Variants in GTF2E1 observed in about 807,000 individuals in gnomAD.
The protein encoded by GTF2E1 is TFIIE alpha subunit.
In GTF2E1, 14 loss-of-function variants were observed where a neutral mutation model predicts 34.9. That is an observed-to-expected ratio of 0.40 (90% confidence interval 0.27 to 0.63). The LOEUF (loss-of-function observed/expected upper bound fraction) is 0.63. GTF2E1 is among the 20% of genes least tolerant of loss of function. The pLI, the probability that GTF2E1 is intolerant of heterozygous loss-of-function variation, is 0.39. For synonymous variants in GTF2E1, 188 were observed against 192.9 expected (o/e 0.97, Z 0.21); for missense variants, 469 against 557.7 (o/e 0.84, Z 1.60).
intron 1 of GTF2E1, chr3:120,749,653 G>T (rs1709145251): frequency 6.6e-6 from 1 of 152,128 alleles, no homozygotes; most frequent in Admixed American, 6.6e-5. Context: ...GCTGGATTCG[G>T]TTTGCCAGTA....
At chr3:120,761,039 T>C (rs1198129755) in intron 2 of GTF2E1, among the ~76,000 whole-genome samples, 1 of 151,566 alleles carries the variant, frequency 6.6e-6, no homozygotes. Flanking sequence ...AATTCAGCTG[T>C]GTCTGGTCCT....
intron 2 of GTF2E1, 21 bp downstream of exon 2, chr3:120,751,021 G>C (rs1709160457): frequency 1.3e-6 from 2 of 1,502,176 alleles, no homozygotes; most frequent in South Asian, 1.2e-5. Flanking sequence ...TCCAGTTTGT[G>C]AATCTTTAAA....
At chr3:120,778,986 TAGCATC>T (rs1338181890) in intron 4 of GTF2E1, among the ~76,000 whole-genome samples, 2 of 152,212 alleles carry the variant, frequency 1.3e-5, no homozygotes, top group African/African-American at 4.8e-5. Flanking sequence ...CACAATTGCT[TAGCATC>T]AATTCCGTGA....
chr3:120,760,202 T>A (rs530913082), intron 2 of GTF2E1, among the ~76,000 whole-genome samples: 3 of 152,324 alleles, frequency 2.0e-5, no homozygotes, highest in African/African-American at 7.2e-5. Flanking sequence ...CAATTGTGAA[T>A]GGGAGTTCAC....
In GTF2E1 at chr3:120,751,871, AGTTCATAGAT is replaced by A; in HGVS notation, c.448+872_448+881del. Among the ~76,000 whole-genome samples the A allele has an allele frequency of 1.3e-5, 2 of 152,272 alleles. 1 individual carries two copies. Among genetic ancestry groups the A allele is most frequent in the South Asian group, 4.1e-4 (2 of 4,832 alleles). ...AATTCAGGAGTATAGGCTACTTTTTAGTTCATAGATCTGCTTTTTTAAAAACTTCGTCTGA... is the reference window on the plus strand; with the variant it reads ...AATTCAGGAGTATAGGCTACTTTTTACTGCTTTTTTAAAAACTTCGTCTGA... On this transcript the variant is annotated intron_variant, in intron 2 of 4. Transcript: ENST00000283875.
intron 1 of GTF2E1, among the ~76,000 whole-genome samples, chr3:120,748,192 C>T (rs1030544135): frequency 2.0e-5 from 3 of 152,092 alleles, no homozygotes; most frequent in Non-Finnish European, 1.5e-5. Flanking sequence ...TTCTCCCATT[C>T]TGTAGGTTGC....
chr3:120,781,703 G>A lies in GTF2E1; in HGVS notation c.*233G>A. The A allele has an allele frequency of 5.2e-6, 2 of 382,160 alleles. No homozygotes were observed. Among genetic ancestry groups the A allele is most frequent in the Non-Finnish European group, 9.3e-6 (2 of 215,528 alleles). 23.7% of individuals were successfully genotyped at this position (382,160 alleles called of 1,614,324 possible). A position where few individuals can be genotyped will look rare whatever the true frequency, so the allele number is the denominator to read the frequency against. On this transcript the variant is annotated 3_prime_UTR_variant, in exon 5 of 5. Transcript: ENST00000283875. ...GTCACTACAGTATTAATATTTTACTGTATTTTCTTTTCTTTTTTTTTTTTT... is the reference window on the plus strand; with the variant it reads ...GTCACTACAGTATTAATATTTTACTATATTTTCTTTTCTTTTTTTTTTTTT...
intron 2 of GTF2E1, among the ~76,000 whole-genome samples, chr3:120,756,505 A>G (rs1227629475): frequency 2.6e-5 from 4 of 152,132 alleles, no homozygotes; most frequent in Admixed American, 6.6e-5. Flanking sequence ...TAAAATATAT[A>G]TAAAAATGAG....
In GTF2E1 at chr3:120,748,510, C is replaced by T. The variant is rs1304592769; in HGVS notation, c.-30-2013C>T. On this transcript the variant is annotated intron_variant, in intron 1 of 4. Transcript: ENST00000283875. ...CAGCACCATTTATTAAATAGGGAAT[C>T]CTTTCCCCATTGCTTGTTTTTCTCA... 4.6e-5 allele frequency among the ~76,000 whole-genome samples: 7 copies of T among 152,162 alleles called. No homozygotes were observed. The East Asian group carries it at 1.3e-3, about 29-fold the overall frequency.
chr3:120,757,900 C>T (rs1709222530), intron 2 of GTF2E1, among the ~76,000 whole-genome samples: 1 of 152,188 alleles, frequency 6.6e-6, no homozygotes, highest in Non-Finnish European at 1.5e-5. Flanking sequence ...GATAGCTCAA[C>T]ACATGTAATC....
intron 1 of GTF2E1, among the ~76,000 whole-genome samples, chr3:120,746,711 A>T (rs887778827): frequency 6.6e-6 from 1 of 152,122 alleles, no homozygotes; most frequent in Admixed American, 6.5e-5. Context: ...AGGTGGGAAG[A>T]TTGCTTGAGC....
intron 2 of GTF2E1, among the ~76,000 whole-genome samples, chr3:120,767,934 GTT>G (rs1412724132): frequency 7.0e-6 from 1 of 143,598 alleles, no homozygotes; most frequent in East Asian, 2.3e-4. Context: ...TATTAGTGTT[GTT>G]CTCTTTCTCT....
intron 2 of GTF2E1, among the ~76,000 whole-genome samples, chr3:120,754,198 G>T (rs1296160634): frequency 6.6e-6 from 1 of 152,094 alleles, no homozygotes; most frequent in Non-Finnish European, 1.5e-5. Flanking sequence ...GGGCAGAGGG[G>T]GATCTTAGCT....
chr3:120,743,396 T>G (rs1709075365), intron 1 of GTF2E1, among the ~76,000 whole-genome samples: 1 of 152,248 alleles, frequency 6.6e-6, no homozygotes, highest in East Asian at 1.9e-4. Flanking sequence ...CGATTCTACC[T>G]TGGAAACAAG....
intron 2 of GTF2E1, among the ~76,000 whole-genome samples, chr3:120,766,856 G>A (rs1213677292): frequency 2.6e-5 from 4 of 151,992 alleles, no homozygotes; most frequent in Admixed American, 6.6e-5. Context: ...TATGTGCTGG[G>A]TTTCCGTGTC....
chr3:120,748,781 T>C (rs1214633310), intron 1 of GTF2E1, among the ~76,000 whole-genome samples: 3 of 152,248 alleles, frequency 2.0e-5, no homozygotes, highest in Admixed American at 1.3e-4. Flanking sequence ...TTTCCAATTC[T>C]GTGAAGAAAG....
At chr3:120,743,119 G>A (rs929070369) in intron 1 of GTF2E1, 2 of 155,992 alleles carry the variant, frequency 1.3e-5, no homozygotes, top group Non-Finnish European at 2.9e-5. Context: ...AGGTTTCGCG[G>A]TAGTTTGCCG....
intron 2 of GTF2E1, among the ~76,000 whole-genome samples, chr3:120,760,413 C>T (rs1173231707): frequency 6.6e-6 from 1 of 152,154 alleles, no homozygotes; most frequent in African/African-American, 2.4e-5. Context: ...AATTGAATAC[C>T]CTTTATTTCT....
chr3:120,758,469 C>A (rs778940095), intron 2 of GTF2E1, among the ~76,000 whole-genome samples: 12 of 151,988 alleles, frequency 7.9e-5, no homozygotes, highest in Admixed American at 6.6e-5. Context: ...ATGTGCACAA[C>A]GTACAGGTTT....
Sources: allele counts gnomAD v4.1 joint callset (sites outside exome capture counted in the v4.1 genomes callset), GRCh38; gene constraint gnomAD v4.1.1; transcripts MANE v1.5; gene names NCBI Gene and HGNC (gene_info 2026-07-23, HGNC 2026-07-21).